Variants in RTL4 observed in about 807,000 individuals in gnomAD.
The protein encoded by RTL4 is retrotransposon Gag-like protein 4.
In RTL4, 4 loss-of-function variants were observed where a neutral mutation model predicts 5.3. The observed-to-expected ratio is 0.75, with a 90% CI of 0.37 to 1.72. The LOEUF is 1.72. Ranked by LOEUF, RTL4 falls within the 40% of genes most tolerant of loss-of-function variation. The pLI is 0.04. For synonymous variants in RTL4, 98 were observed against 87.3 expected, an observed-to-expected ratio of 1.12 and a Z score of -0.68; for missense variants, 260 against 227.1, an observed-to-expected ratio of 1.14 and a Z score of -0.93.
the RTL4 span, among the ~76,000 whole-genome samples, chrX:112,423,954 C>G: frequency 9.0e-6 from 1 of 111,015 alleles, no homozygotes; most frequent in African/African-American, 3.3e-5. Context: ...GTTGTACTTT[C>G]CCATGTTTTC....
the RTL4 span, among the ~76,000 whole-genome samples, chrX:112,148,555 C>G: frequency 9.0e-6 from 1 of 111,231 alleles, no homozygotes; most frequent in Middle Eastern, 4.6e-3. Context: ...AGGAGTTTGA[C>G]CTACTGGTCA....
the RTL4 span, among the ~76,000 whole-genome samples, chrX:112,120,979 C>A: frequency 9.0e-6 from 1 of 110,645 alleles, no homozygotes; most frequent in Admixed American, 9.7e-5. Flanking sequence ...TAAACTGGGG[C>A]CTACCAGAGG....
chrX:112,252,275 C>A, the RTL4 span, among the ~76,000 whole-genome samples: 33 of 112,352 alleles, frequency 2.9e-4, no homozygotes, highest in African/African-American at 1.0e-3. Context: ...AAGCTGTAAG[C>A]TCATTCCTCC....
the RTL4 span, among the ~76,000 whole-genome samples, chrX:112,129,488 C>T: frequency 8.9e-6 from 1 of 111,815 alleles, no homozygotes; most frequent in Non-Finnish European, 1.9e-5. Context: ...TCTAATAACC[C>T]GATAAAATGT....
chrX:112,434,114 G>A, the RTL4 span, among the ~76,000 whole-genome samples: 2 of 103,912 alleles, frequency 1.9e-5, no homozygotes, highest in East Asian at 3.0e-4. Flanking sequence ...GCTTTTTGAT[G>A]TGCTGCTGGA....
the RTL4 span, among the ~76,000 whole-genome samples, chrX:112,204,699 T>C: frequency 9.1e-6 from 1 of 110,206 alleles, no homozygotes; most frequent in Admixed American, 9.7e-5. Flanking sequence ...GCAAGGGAGG[T>C]GAGGGTGGTT....
chrX:112,212,105 G>A, the RTL4 span, among the ~76,000 whole-genome samples: 3 of 112,614 alleles, frequency 2.7e-5, no homozygotes, highest in Admixed American at 9.3e-5. Flanking sequence ...GGCCGGGCGC[G>A]GTGGCTCACG....
the RTL4 span, among the ~76,000 whole-genome samples, chrX:112,293,100 T>C: frequency 3.6e-5 from 4 of 112,351 alleles, no homozygotes; most frequent in Admixed American, 9.5e-5. Context: ...CTTCTTCTTA[T>C]GATTCTTGTT....
chrX:112,179,356 G>T, the RTL4 span, among the ~76,000 whole-genome samples: 1 of 98,896 alleles, frequency 1.0e-5, no homozygotes, highest in Admixed American at 1.1e-4. Context: ...TAAAAAAAAA[G>T]CAGCTTTAAG....
chrX:112,262,327 G>A, the RTL4 span, among the ~76,000 whole-genome samples: 1 of 110,829 alleles, frequency 9.0e-6, no homozygotes, highest in African/African-American at 3.3e-5. Flanking sequence ...AATCTACAAA[G>A]AACTCAAACA....
At chrX:112,141,470 G>GA in the RTL4 span, among the ~76,000 whole-genome samples, 1 of 111,142 alleles carries the variant, frequency 9.0e-6, no homozygotes, top group Non-Finnish European at 1.9e-5. Context: ...GATCTCAGGG[G>GA]AAAAAAAACT....
At chrX:112,275,935 C>T in the RTL4 span, among the ~76,000 whole-genome samples, 1 of 111,893 alleles carries the variant, frequency 8.9e-6, no homozygotes, top group Non-Finnish European at 1.9e-5. Flanking sequence ...ACTCCATCCT[C>T]CACTTTTTTA....
chrX:112,163,826 G>A, the RTL4 span, among the ~76,000 whole-genome samples: 2 of 111,758 alleles, frequency 1.8e-5, no homozygotes, highest in Non-Finnish European at 3.8e-5. Context: ...CTAAATGGTA[G>A]TTCCCTTGAA....
At chrX:112,381,324 A>C in the RTL4 span, 1 of 1,210,891 alleles carries the variant, frequency 8.3e-7, no homozygotes, top group East Asian at 3.0e-5. Context: ...AGTCTAATAA[A>C]TAATTTTGTC....
At chrX:112,108,933 A>AC in the RTL4 span, among the ~76,000 whole-genome samples, 1 of 110,865 alleles carries the variant, frequency 9.0e-6, no homozygotes. Context: ...GGGCTTACCC[A>AC]GTGCTGGGTT....
the RTL4 span, among the ~76,000 whole-genome samples, chrX:112,429,942 CT>C: frequency 1.5e-4 from 17 of 110,958 alleles, no homozygotes; most frequent in African/African-American, 5.2e-4. Flanking sequence ...ATAGATAAGA[CT>C]TTTTTTATCT....
the RTL4 span, among the ~76,000 whole-genome samples, chrX:112,317,815 G>A: frequency 8.9e-6 from 1 of 111,816 alleles, no homozygotes. Context: ...CATCTAGTAA[G>A]TGGTAGAGTT....
At chrX:112,222,086 T>G in the RTL4 span, among the ~76,000 whole-genome samples, 2 of 111,908 alleles carry the variant, frequency 1.8e-5, no homozygotes, top group Non-Finnish European at 3.8e-5. Flanking sequence ...GAGAACAGTA[T>G]AGTGTCATGA....
At chrX:112,381,119 A>G in the RTL4 span, among the ~76,000 whole-genome samples, 1 of 110,622 alleles carries the variant, frequency 9.0e-6, no homozygotes, top group African/African-American at 3.3e-5. Context: ...CACCGAACGG[A>G]TAAACTACGG....
Sources: gnomAD v4.1 joint callset for allele counts (sites outside exome capture counted in the v4.1 genomes callset) on GRCh38, gnomAD v4.1.1 for gene constraint, MANE v1.5 for transcripts, NCBI Gene and HGNC (gene_info 2026-07-23, HGNC 2026-07-21) for gene names.